Variants in AP4E1 observed in about 807,000 individuals in gnomAD.
AP4E1 encodes AP-4 complex subunit epsilon-1.
A neutral mutation model predicts 128.2 loss-of-function variants in AP4E1; 56 were observed. The observed-to-expected ratio is 0.44, with a 90% CI of 0.35 to 0.55. AP4E1 has a LOEUF of 0.55. AP4E1 is among the 20% of genes least tolerant of loss of function. The pLI is 0.00. For missense variants in AP4E1, 1,324 were observed against 1,307.7 expected (o/e 1.01, Z -0.19); for synonymous variants, 484 against 473.1 (o/e 1.02, Z -0.30).
chr15:50,940,661 A>AT (rs2063973217), intron 8 of AP4E1, among the ~76,000 whole-genome samples: 1 of 152,176 alleles, frequency 6.6e-6, no homozygotes, highest in African/African-American at 2.4e-5. Context: ...ATAAGACTTA[A>AT]TGTCCTTTCA....
intron 5 of AP4E1, among the ~76,000 whole-genome samples, chr15:50,928,543 C>T (rs1017708492): frequency 6.6e-6 from 1 of 152,086 alleles, no homozygotes; most frequent in Non-Finnish European, 1.5e-5. Context: ...CCACCTCAGC[C>T]TCCCAAAGTG....
chr15:50,974,266 A>ATTTT (rs958466492), intron 15 of AP4E1, among the ~76,000 whole-genome samples: 1 of 112,580 alleles, frequency 8.9e-6, no homozygotes, highest in Non-Finnish European at 1.9e-5. Context: ...GTGCCCGGCC[A>ATTTT]TTTTTTTTTT....
intron 17 of AP4E1, among the ~76,000 whole-genome samples, chr15:50,996,446 A>G (rs2064876029): frequency 6.6e-6 from 1 of 151,992 alleles, no homozygotes; most frequent in Non-Finnish European, 1.5e-5. Context: ...GTGACTTCTG[A>G]ATTTGGAGGT....
Position 50,958,765 on chromosome 15 carries a change from CCAGTTGA to C in AP4E1, c.1826_1832del (p.Val609GlyfsTer8). On this transcript the variant is annotated frameshift_variant, in exon 14 of 21. Transcript: ENST00000261842. LOFTEE classifies it high-confidence loss of function. Reference sequence around the variant, plus strand: ...TGTGGAACTTATGAAGAGCTTGCTTCCAGTTGACAGGAGTTGTGAAGACTTGGTGGTA... The same window carrying C: ...TGTGGAACTTATGAAGAGCTTGCTTCCAGGAGTTGTGAAGACTTGGTGGTA... 6.2e-7 allele frequency: 1 copy of C among 1,614,104 alleles called. No homozygotes were observed. The highest frequency in any genetic ancestry group is 8.5e-7 in the Non-Finnish European group (1 of 1,180,010).
chr15:50,929,240 C>G (rs2063803322), intron 6 of AP4E1, 72 bp downstream of exon 6: 2 of 1,506,042 alleles, frequency 1.3e-6, no homozygotes, highest in Non-Finnish European at 1.8e-6. Context: ...TAAAAAGAAA[C>G]AGATATTTTG....
In AP4E1 at chr15:50,990,568, TA is replaced by T. The variant is rs763943421; in HGVS notation, c.2091-2801del. On this transcript the variant is annotated intron_variant, in intron 16 of 20. Coordinates refer to ENST00000261842, the MANE Select transcript of AP4E1 (RefSeq NM_007347.5). ...GCCCTGCTAATTTTTATGTTTTTAG[TA>T]GAGGCAGTGTTTTGCCAAGTTGGCC... Among the ~76,000 whole-genome samples the T allele has an allele frequency of 1.1e-4, 17 of 152,052 alleles. No individual in the cohort carries two copies. In the East Asian group the frequency reaches 2.7e-3, roughly 24 times the overall value.
rs1373187320 is a variant in AP4E1 at position 50,984,102 on chromosome 15, G to A, written c.2047G>A (p.Gly683Ser). Residue 683 changes from glycine to serine, a missense_variant, in exon 16 of 21, where the codon GGT (glycine) becomes AGT (serine). Coordinates refer to ENST00000261842, the MANE Select transcript of AP4E1 (RefSeq NM_007347.5). ...GRQSPAGISLGSDVSGNSAET... is the reference protein window; with the variant it reads ...GRQSPAGISLSSDVSGNSAET... ...ACAGTCTCCTGCTGGCATTTCTCTTGGTTCAGATGTATCTGGGAATAGTGC... is the reference window on the plus strand; with the variant it reads ...ACAGTCTCCTGCTGGCATTTCTCTTAGTTCAGATGTATCTGGGAATAGTGC... 6.2e-7 allele frequency: 1 copy of A among 1,613,282 alleles called. No individual in the cohort carries two copies. The highest frequency in any genetic ancestry group is 2.2e-5 in the East Asian group (1 of 44,852).
intron 5 of AP4E1, among the ~76,000 whole-genome samples, chr15:50,926,334 C>T (rs2063769491): frequency 6.6e-6 from 1 of 151,576 alleles, no homozygotes; most frequent in African/African-American, 2.4e-5. Flanking sequence ...GGCAGGGTTT[C>T]ACCATCTTGG....
chr15:50,941,441 G>C lies in AP4E1; in HGVS notation c.944-1G>C, dbSNP rs1555456727. 6.2e-7 allele frequency: 1 copy of C among 1,611,740 alleles called. No individual in the cohort carries two copies. Among genetic ancestry groups the C allele is most frequent in the Non-Finnish European group, 8.5e-7 (1 of 1,178,816 alleles). Reference sequence around the variant, plus strand: ...TGCCATTTTTATGTTTCTTTTTCTAGCTATTTTGTTTGAATGTGTGCATAC... The same window carrying C: ...TGCCATTTTTATGTTTCTTTTTCTACCTATTTTGTTTGAATGTGTGCATAC... On this transcript the variant is annotated splice_acceptor_variant, in intron 8 of 20. Coordinates refer to ENST00000261842, the MANE Select transcript of AP4E1 (RefSeq NM_007347.5). LOFTEE classifies it high-confidence loss of function.
intron 19 of AP4E1, among the ~76,000 whole-genome samples, chr15:51,000,168 G>C (rs1396668052): frequency 7.1e-6 from 1 of 139,978 alleles, no homozygotes; most frequent in Non-Finnish European, 1.5e-5. Flanking sequence ...TTTTAAACAG[G>C]GTCTTGCTGT....
chr15:50,908,971 G>T, intron 1 of AP4E1, 43 bp downstream of exon 1: 1 of 1,605,798 alleles, frequency 6.2e-7, no homozygotes, highest in Non-Finnish European at 8.5e-7. Flanking sequence ...ATCGGAGTGA[G>T]GCCCCCGCGC....
At chr15:50,956,676 T>A (rs1567235144) in intron 13 of AP4E1, among the ~76,000 whole-genome samples, 1 of 152,136 alleles carries the variant, frequency 6.6e-6, no homozygotes, top group East Asian at 1.9e-4. Context: ...AAGAGCAGCA[T>A]GGGGGAAACT....
intron 4 of AP4E1, 108 bp from the exon 5 acceptor site, chr15:50,924,990 A>G (rs1192173489): frequency 7.6e-7 from 1 of 1,323,844 alleles, no homozygotes; most frequent in Non-Finnish European, 1.1e-6. Context: ...CAAATTAATT[A>G]TAAATAGCAC....
At chr15:50,919,451 G>C (rs1410761650) in intron 3 of AP4E1, among the ~76,000 whole-genome samples, 4 of 151,966 alleles carry the variant, frequency 2.6e-5, no homozygotes, top group African/African-American at 9.7e-5. Context: ...AGAATCACTT[G>C]AACCTGGGAG....
intron 3 of AP4E1, among the ~76,000 whole-genome samples, chr15:50,916,713 A>G (rs907739574): frequency 2.0e-5 from 3 of 152,102 alleles, no homozygotes; most frequent in African/African-American, 7.2e-5. Context: ...GATCTTTTAA[A>G]CTTGTTATAT....
At chr15:50,931,368 C>G (rs971578561) in intron 7 of AP4E1, among the ~76,000 whole-genome samples, 1 of 152,046 alleles carries the variant, frequency 6.6e-6, no homozygotes, top group Non-Finnish European at 1.5e-5. Flanking sequence ...GAGTTTGAGA[C>G]CAGCCTGACC....
At position 50,964,955 on chromosome 15, in the gene AP4E1, C is replaced by CCCCACACACACACACACACACACACA. The variant is rs1555459128; in HGVS notation, c.1852-3307_1852-3306insCCACACACACACACACACACACACAC. On this transcript the variant is annotated intron_variant, in intron 14 of 20. Transcript: ENST00000261842. ...TTGTAAAGTATAACACCTCCCCCTA[C>CCCCACACACACACACACACACACACA]CACACACACACACACACACACACAC... is the stretch of plus-strand genomic sequence containing the variant. Among the ~76,000 whole-genome samples, 541 of 131,448 alleles carry CCCCACACACACACACACACACACACA rather than the reference C, an allele frequency of 4.1e-3. 5 individuals are homozygous for CCCCACACACACACACACACACACACA. Among genetic ancestry groups the CCCCACACACACACACACACACACACA allele is most frequent in the African/African-American group, 5.2e-3 (173 of 33,200 alleles). 86.2% of individuals were successfully genotyped at this position (131,448 alleles called of 152,430 possible).
chr15:50,985,317 G>A (rs1353306386), intron 16 of AP4E1, among the ~76,000 whole-genome samples: 3 of 152,186 alleles, frequency 2.0e-5, no homozygotes, highest in Non-Finnish European at 4.4e-5. Flanking sequence ...CGTTTAATTA[G>A]ATCCCATTTG....
chr15:50,982,127 T>C lies in AP4E1; in HGVS notation c.1967-1895T>C, dbSNP rs560455328. Among the ~76,000 whole-genome samples, 4 of 148,702 alleles carry C rather than the reference T, an allele frequency of 2.7e-5. No individual in the cohort carries two copies. The South Asian group carries it at 6.5e-4, about 24-fold the overall frequency. On this transcript the variant is annotated intron_variant, in intron 15 of 20. Coordinates refer to ENST00000261842, the MANE Select transcript of AP4E1 (RefSeq NM_007347.5). Reference sequence around the variant, plus strand: ...AAAAAAAAGCAAGTTCAGCCCTCTCTTGCTCTTGCACTATCTTCCCTTCTG... The same window carrying C: ...AAAAAAAAGCAAGTTCAGCCCTCTCCTGCTCTTGCACTATCTTCCCTTCTG...
Sources: gnomAD v4.1 joint callset for allele counts (sites outside exome capture counted in the v4.1 genomes callset) on GRCh38, gnomAD v4.1.1 for gene constraint, MANE v1.5 for transcripts, NCBI Gene and HGNC (gene_info 2026-07-23, HGNC 2026-07-21) for gene names.